CAP2: variants seen among roughly 807,000 people sequenced by gnomAD.
The protein encoded by CAP2 is cyclase associated actin cytoskeleton regulatory protein 2.
In CAP2, 24 loss-of-function variants were observed where a neutral mutation model predicts 57.7. The ratio of observed to expected loss-of-function variants is 0.42; its 90% confidence interval spans 0.30 to 0.58. The LOEUF (loss-of-function observed/expected upper bound fraction) is 0.58, where lower values mean the gene tolerates loss of function less well. Among genes scored for constraint, CAP2 ranks in the 20% least tolerant of loss-of-function variants. The pLI is 0.22. For missense variants in CAP2, 501 were observed against 590.3 expected, an observed-to-expected ratio of 0.85 and a Z score of 1.57; for synonymous variants, 194 against 207.2, an observed-to-expected ratio of 0.94 and a Z score of 0.55.
chr6:17,551,516 T>C lies in CAP2; in HGVS notation c.1262T>C (p.Ile421Thr), dbSNP rs1228122229. 1 of 1,610,768 alleles carries C rather than the reference T, an allele frequency of 6.2e-7. No individual in the cohort carries two copies. The highest frequency in any genetic ancestry group is 8.5e-7 in the Non-Finnish European group (1 of 1,177,346). Residue 421 changes from isoleucine to threonine, a missense_variant, in exon 12 of 13, where the codon ATA (isoleucine) becomes ACA (threonine). Physicochemically the swap from Ile to Thr is moderately conservative, Grantham distance 89. Transcript: ENST00000229922. Reference protein sequence around the residue: ...ISINKTEGCHIYLSEDALDCE... With the variant: ...ISINKTEGCHTYLSEDALDCE... ...ATTAATAAGACAGAAGGTTGCCACATATACCTCAGTGAAGATGCATTAGAC... is the reference window on the plus strand; with the variant it reads ...ATTAATAAGACAGAAGGTTGCCACACATACCTCAGTGAAGATGCATTAGAC...
At chr6:17,514,996 G>A (rs968685230) in intron 7 of CAP2, among the ~76,000 whole-genome samples, 17 of 152,010 alleles carry the variant, frequency 1.1e-4, no homozygotes, top group Non-Finnish European at 2.1e-4. Flanking sequence ...TCAGGAGTTC[G>A]AGACCAGCCT....
chr6:17,496,027 T>TGGCGGGGCGG (rs3075209), intron 4 of CAP2, among the ~76,000 whole-genome samples: 6 of 44,334 alleles, frequency 1.4e-4, no homozygotes, highest in African/African-American at 7.6e-4. Flanking sequence ...CGTGTGTGGG[T>TGGCGGGGCGG]GGGGGGGGGG....
At chr6:17,505,495 T>C (rs970810064) in intron 4 of CAP2, among the ~76,000 whole-genome samples, 6 of 152,190 alleles carry the variant, frequency 3.9e-5, no homozygotes, top group Admixed American at 2.6e-4. Context: ...TCAGAATTGC[T>C]AGGGGTGGAA....
intron 2 of CAP2, among the ~76,000 whole-genome samples, chr6:17,426,155 A>G (rs1759585155): frequency 6.6e-6 from 1 of 152,152 alleles, no homozygotes; most frequent in Non-Finnish European, 1.5e-5. Flanking sequence ...GGAATGACTT[A>G]GCAAATGAAT....
At chr6:17,494,869 T>G (rs770295324) in intron 4 of CAP2, among the ~76,000 whole-genome samples, 1 of 152,186 alleles carries the variant, frequency 6.6e-6, no homozygotes, top group Admixed American at 6.6e-5. Context: ...AGAACAAAAG[T>G]CTGACCCTCC....
intron 8 of CAP2, 81 bp from the exon 9 acceptor site, chr6:17,540,892 A>T: frequency 7.3e-7 from 1 of 1,370,932 alleles, no homozygotes; most frequent in Non-Finnish European, 1.0e-6. Flanking sequence ...TGTGCTCTTT[A>T]TTTACATCAT....
At chr6:17,482,154 AGG>A (rs1246133392) in intron 4 of CAP2, among the ~76,000 whole-genome samples, 4 of 152,176 alleles carry the variant, frequency 2.6e-5, no homozygotes, top group Non-Finnish European at 5.9e-5. Context: ...TTCGTCAGCT[AGG>A]GCTGCTGGAA....
chr6:17,540,156 C>T (rs1762866080), intron 8 of CAP2, among the ~76,000 whole-genome samples: 1 of 152,154 alleles, frequency 6.6e-6, no homozygotes, highest in African/African-American at 2.4e-5. Flanking sequence ...AATTATATCC[C>T]ACTATACTGG....
intron 7 of CAP2, among the ~76,000 whole-genome samples, chr6:17,529,857 T>C (rs2113686024): frequency 6.6e-6 from 1 of 151,960 alleles, no homozygotes; most frequent in East Asian, 2.0e-4. Flanking sequence ...TGGGATTCTT[T>C]GTCTTTGGAA....
intron 3 of CAP2, among the ~76,000 whole-genome samples, chr6:17,455,306 G>A (rs1760529723): frequency 6.6e-6 from 1 of 151,660 alleles, no homozygotes; most frequent in Non-Finnish European, 1.5e-5. Flanking sequence ...TGCCTCAAGC[G>A]AGCATGCGCA....
chr6:17,549,623 C>T (rs1412500031), intron 11 of CAP2, among the ~76,000 whole-genome samples: 1 of 152,058 alleles, frequency 6.6e-6, no homozygotes, highest in African/African-American at 2.4e-5. Flanking sequence ...CAGTTAATAC[C>T]ACAATTAGTG....
chr6:17,455,218 TAA>T (rs1485700378), intron 3 of CAP2, among the ~76,000 whole-genome samples: 1 of 151,748 alleles, frequency 6.6e-6, no homozygotes, highest in Non-Finnish European at 1.5e-5. Flanking sequence ...GCATGAGCAC[TAA>T]GAGGCAAAAT....
chr6:17,418,664 C>G (rs907722948), intron 1 of CAP2, among the ~76,000 whole-genome samples: 8 of 146,980 alleles, frequency 5.4e-5, no homozygotes, highest in African/African-American at 1.9e-4. Context: ...GCTAACAAAG[C>G]AAACATTTTT....
In CAP2 at chr6:17,529,651, A is replaced by AAAAAAAAAAAATAT. The variant is rs10656588; in HGVS notation, c.637-9617_637-9616insAAAAAAAAAATATA. Among the ~76,000 whole-genome samples the AAAAAAAAAAAATAT allele has an allele frequency of 1.5e-4, 20 of 134,536 alleles. 1 individual carries two copies. Among genetic ancestry groups the AAAAAAAAAAAATAT allele is most frequent in the African/African-American group, 5.0e-4 (17 of 33,950 alleles). 88.3% of individuals were successfully genotyped at this position (134,536 alleles called of 152,430 possible). On this transcript the variant is annotated intron_variant, in intron 7 of 12. Transcript: ENST00000229922. ...GCAAGACTCCGTCTCAAAAAAAAAAAATATATATATATATATATATGTATA... is the reference window on the plus strand; with the variant it reads ...GCAAGACTCCGTCTCAAAAAAAAAAAAAAAAAAAAAATATATATATATATATATATATATGTATA...
chr6:17,447,481 T>G (rs1010796151), intron 3 of CAP2, among the ~76,000 whole-genome samples: 1 of 152,132 alleles, frequency 6.6e-6, no homozygotes, highest in African/African-American at 2.4e-5. Flanking sequence ...TCAACAAACA[T>G]TACTTCCTTA....
intron 4 of CAP2, among the ~76,000 whole-genome samples, chr6:17,502,951 C>T (rs1283595614): frequency 6.6e-6 from 1 of 152,108 alleles, no homozygotes; most frequent in Non-Finnish European, 1.5e-5. Context: ...GAAAACAATC[C>T]CCCAAAGAAG....
intron 8 of CAP2, among the ~76,000 whole-genome samples, chr6:17,540,570 G>C (rs1337844462): frequency 6.6e-6 from 1 of 152,180 alleles, no homozygotes; most frequent in East Asian, 1.9e-4. Context: ...TGGCCAACAT[G>C]GTGAAACCCC....
At chr6:17,534,612 C>T (rs1207880051) in intron 7 of CAP2, among the ~76,000 whole-genome samples, 1 of 152,128 alleles carries the variant, frequency 6.6e-6, no homozygotes, top group Admixed American at 6.6e-5. Context: ...AAAATCTGCC[C>T]TCCGCCCGTG....
At chr6:17,417,753 G>A (rs1759324406) in intron 1 of CAP2, among the ~76,000 whole-genome samples, 2 of 152,150 alleles carry the variant, frequency 1.3e-5, no homozygotes, top group Admixed American at 6.5e-5. Context: ...TTTGAGCTGT[G>A]TCATCTAACC....
Sources: allele counts gnomAD v4.1 joint callset (sites outside exome capture counted in the v4.1 genomes callset), GRCh38; gene constraint gnomAD v4.1.1; transcripts MANE v1.5; gene names NCBI Gene and HGNC (gene_info 2026-07-23, HGNC 2026-07-21).